GPC4: variants seen among roughly 807,000 people sequenced by gnomAD.
GPC4 encodes glypican 4.
GPC4 carries 10 observed loss-of-function variants against 35.0 expected under a neutral mutation model. That is an observed-to-expected ratio of 0.29 (90% CI 0.18 to 0.48). The LOEUF (loss-of-function observed/expected upper bound fraction) is 0.48. GPC4 is among the 20% of genes least tolerant of loss of function. The probability of loss-of-function intolerance (pLI) is 0.99; values close to 1 mark genes in which losing one functional copy is unlikely to be tolerated. For missense variants in GPC4, 322 were observed against 451.3 expected (o/e 0.71, Z 2.60); for synonymous variants, 167 against 170.2 (o/e 0.98, Z 0.15).
chrX:133,366,387 T>C (rs1209167817), intron 1 of GPC4, among the ~76,000 whole-genome samples: 1 of 111,836 alleles, frequency 8.9e-6, no homozygotes, highest in Non-Finnish European at 1.9e-5. Flanking sequence ...TTTCTCAGAC[T>C]ACAAAAGGTT....
chrX:133,305,293 A>G (rs1421850401), intron 6 of GPC4, among the ~76,000 whole-genome samples: 1 of 112,273 alleles, frequency 8.9e-6, no homozygotes, highest in Non-Finnish European at 1.9e-5. Flanking sequence ...TACTGTAGGA[A>G]TAGTTTCTTA....
intron 1 of GPC4, among the ~76,000 whole-genome samples, chrX:133,413,123 GTTCAC>G (rs2068819830): frequency 8.9e-6 from 1 of 112,311 alleles, no homozygotes; most frequent in Non-Finnish European, 1.9e-5. Context: ...GCGGCTGGTG[GTTCAC>G]TTCATTTTTT....
rs2068833858 is a variant in GPC4 at position 133,415,322 on chromosome X, G to A, written c.-357C>T. On this transcript the variant is annotated 5_prime_UTR_variant, in exon 1 of 9. Transcript: ENST00000370828. ...GGCGGGGACGCGGGGAAGGAGGGAA[G>A]GGTGGCAGGCGCCGCGGGGACCGCA... 4.6e-6 allele frequency: 1 copy of A among 215,685 alleles called. No homozygotes were observed. The highest frequency in any genetic ancestry group is 1.2e-4 in the East Asian group (1 of 8,500). The allele number at this position is 215,685 out of a possible 1,213,427, so 17.8% of individuals were successfully genotyped here. A position where few individuals can be genotyped will look rare whatever the true frequency, so the allele number is the denominator to read the frequency against.
chrX:133,413,949 C>T (rs1232838227), intron 1 of GPC4, among the ~76,000 whole-genome samples: 2 of 111,273 alleles, frequency 1.8e-5, no homozygotes, highest in East Asian at 5.7e-4. Flanking sequence ...GGTGAACTTT[C>T]TCACAGGCTA....
chrX:133,303,483 T>A, intron 7 of GPC4, 142 bp from the exon 8 acceptor site: 2 of 467,052 alleles, frequency 4.3e-6, no homozygotes, highest in Non-Finnish European at 7.0e-6. Flanking sequence ...TAGATTCTAG[T>A]ATTTCCACTA....
chrX:133,385,030 C>T (rs772199460), intron 1 of GPC4, among the ~76,000 whole-genome samples: 4 of 112,019 alleles, frequency 3.6e-5, no homozygotes, highest in African/African-American at 6.5e-5. Context: ...TATTAAAATG[C>T]ATCTTAATAC....
intron 7 of GPC4, 49 bp from the exon 8 acceptor site, chrX:133,303,390 T>G: frequency 9.4e-7 from 1 of 1,066,410 alleles, no homozygotes; most frequent in Non-Finnish European, 1.3e-6. Flanking sequence ...GCGAAAAGAT[T>G]TTATCTGTCT....
At chrX:133,323,291 C>A (rs993772760) in intron 3 of GPC4, among the ~76,000 whole-genome samples, 3 of 111,642 alleles carry the variant, frequency 2.7e-5, no homozygotes. Flanking sequence ...CCAGCCTGAA[C>A]AACATGGTGA....
At chrX:133,326,282 G>T (rs2068393349) in intron 2 of GPC4, among the ~76,000 whole-genome samples, 1 of 111,444 alleles carries the variant, frequency 9.0e-6, no homozygotes, top group African/African-American at 3.3e-5. Context: ...ATACCAATCA[G>T]CTACCTGGGA....
At chrX:133,414,713 G>C (rs1052075599) in intron 1 of GPC4, 93 bp downstream of exon 1, 2 of 1,175,255 alleles carry the variant, frequency 1.7e-6, no homozygotes, top group East Asian at 3.0e-5. Flanking sequence ...ACCTGCGTCC[G>C]GCGCAGGGGG....
intron 1 of GPC4, among the ~76,000 whole-genome samples, chrX:133,365,162 T>C (rs2068584647): frequency 8.9e-6 from 1 of 112,151 alleles, no homozygotes; most frequent in Non-Finnish European, 1.9e-5. Context: ...TTCTCAATTT[T>C]TTTTTCTTAA....
intron 2 of GPC4, among the ~76,000 whole-genome samples, chrX:133,328,177 A>C (rs1168921304): frequency 9.0e-6 from 1 of 111,284 alleles, no homozygotes; most frequent in African/African-American, 3.3e-5. Context: ...AAAAGTTCCT[A>C]AATATTCATA....
intron 1 of GPC4, among the ~76,000 whole-genome samples, chrX:133,390,228 G>A (rs1028729723): frequency 9.0e-5 from 10 of 111,569 alleles, no homozygotes; most frequent in African/African-American, 2.9e-4. Flanking sequence ...CTAAAATGAG[G>A]TCTCTTCTGA....
chrX:133,405,004 A>C (rs2068781276), intron 1 of GPC4, among the ~76,000 whole-genome samples: 1 of 110,761 alleles, frequency 9.0e-6, no homozygotes. Flanking sequence ...TTGATCCAGC[A>C]CTGTTGGGAA....
chrX:133,307,490 G>A (rs2068296014), intron 4 of GPC4, among the ~76,000 whole-genome samples: 1 of 111,687 alleles, frequency 9.0e-6, no homozygotes, highest in Non-Finnish European at 1.9e-5. Flanking sequence ...AACAAATGAA[G>A]TTTCAGAATG....
chrX:133,414,458 C>T (rs1161131755), intron 1 of GPC4: 29 of 748,755 alleles, frequency 3.9e-5, no homozygotes, highest in Non-Finnish European at 4.1e-5. Context: ...GCCGGTGACA[C>T]GCACTTTGAG....
At chrX:133,323,260 T>C (rs1368012773) in intron 3 of GPC4, among the ~76,000 whole-genome samples, 1 of 111,609 alleles carries the variant, frequency 9.0e-6, no homozygotes, top group Non-Finnish European at 1.9e-5. Flanking sequence ...AGGTGAATCA[T>C]TTGAGGCCAG....
At chrX:133,313,645 G>A (rs1348121513) in intron 3 of GPC4, among the ~76,000 whole-genome samples, 1 of 111,680 alleles carries the variant, frequency 9.0e-6, no homozygotes, top group Admixed American at 9.5e-5. Context: ...TCTTAGAGTT[G>A]GAAGGGACCA....
At chrX:133,311,149 A>T in intron 4 of GPC4, 109 bp downstream of exon 4, 1 of 779,847 alleles carries the variant, frequency 1.3e-6, no homozygotes, top group Non-Finnish European at 1.9e-6. Flanking sequence ...ACAAACACTA[A>T]ATAGCAAACA....
Sources: gnomAD v4.1 joint callset for allele counts (sites outside exome capture counted in the v4.1 genomes callset) on GRCh38, gnomAD v4.1.1 for gene constraint, MANE v1.5 for transcripts, NCBI Gene and HGNC (gene_info 2026-07-23, HGNC 2026-07-21) for gene names.